The following PCSK5 variants were observed in gnomAD, a reference collection of about 807,000 sequenced individuals.
PCSK5 encodes proprotein convertase subtilisin/kexin type 5.
Under a neutral mutation model 233.2 loss-of-function variants are expected in PCSK5, and 129 were observed. That is an observed-to-expected ratio of 0.55 (90% CI 0.48 to 0.64). PCSK5 has a LOEUF of 0.64. Ranked by LOEUF, PCSK5 falls within the 30% of genes least tolerant of loss-of-function variation. The pLI is 0.00. For missense variants in PCSK5, 2,076 were observed against 2,430.1 expected (o/e 0.85, Z 3.06); for synonymous variants, 825 against 879.2 (o/e 0.94, Z 1.09).
intron 12 of PCSK5, among the ~76,000 whole-genome samples, chr9:76,169,153 A>G (rs1292513632): frequency 2.0e-5 from 3 of 152,182 alleles, no homozygotes; most frequent in Non-Finnish European, 4.4e-5. Flanking sequence ...TAATTTGTTT[A>G]CACATTTACC....
intron 10 of PCSK5, among the ~76,000 whole-genome samples, chr9:76,154,284 T>C (rs994072736): frequency 5.3e-5 from 8 of 152,152 alleles, no homozygotes; most frequent in African/African-American, 1.7e-4. Flanking sequence ...CTCTGGAGGG[T>C]AGAAATTGAA....
chr9:75,896,708 A>G (rs954990075), intron 1 of PCSK5, among the ~76,000 whole-genome samples: 1 of 152,034 alleles, frequency 6.6e-6, no homozygotes, highest in African/African-American at 2.4e-5. Context: ...GAATACACAC[A>G]CACACACATA....
rs952146863 is a variant in PCSK5 at position 76,307,488 on chromosome 9, G to A, written c.3605-1157G>A. Among the ~76,000 whole-genome samples the A allele has an allele frequency of 2.0e-5, 3 of 152,236 alleles. 1 individual carries two copies. Among genetic ancestry groups the A allele is most frequent in the Admixed American group, 1.3e-4 (2 of 15,302 alleles). ...TCTAGTCAAGGTCTCCATATGTATT[G>A]ACTGAGTGATGTCTTGAAGCTGTTC... On this transcript the variant is annotated intron_variant, in intron 28 of 37. Coordinates refer to ENST00000674117, the MANE Select transcript of PCSK5 (RefSeq NM_001372043.1).
chr9:76,082,460 GC>G (rs1830879775), intron 7 of PCSK5, among the ~76,000 whole-genome samples: 1 of 152,170 alleles, frequency 6.6e-6, no homozygotes, highest in Non-Finnish European at 1.5e-5. Flanking sequence ...ATTCCTGGTT[GC>G]ATTGAAGAGG....
intron 24 of PCSK5, among the ~76,000 whole-genome samples, chr9:76,254,851 C>G (rs1488207772): frequency 1.3e-5 from 2 of 152,222 alleles, no homozygotes; most frequent in African/African-American, 4.8e-5. Flanking sequence ...AAGCTGCTCA[C>G]ATGCAAATGC....
At chr9:76,210,737 G>T (rs1190477600) in intron 20 of PCSK5, among the ~76,000 whole-genome samples, 1 of 152,164 alleles carries the variant, frequency 6.6e-6, no homozygotes, top group Non-Finnish European at 1.5e-5. Context: ...GAATTGGCGT[G>T]GGGGGTGGAG....
At chr9:76,197,025 C>T (rs1685287343) in intron 20 of PCSK5, among the ~76,000 whole-genome samples, 1 of 152,040 alleles carries the variant, frequency 6.6e-6, no homozygotes, top group South Asian at 2.1e-4. Context: ...AGAATTGGTC[C>T]CTGAAGCATG....
rs919016471 is a variant in PCSK5 at position 75,935,362 on chromosome 9, C to T, written c.297+2879C>T. 3.3e-5 allele frequency among the ~76,000 whole-genome samples: 5 copies of T among 152,276 alleles called. No homozygotes were observed. In the South Asian group the frequency reaches 6.2e-4, roughly 19 times the overall value. On this transcript the variant is annotated intron_variant, in intron 2 of 37. Coordinates refer to ENST00000674117, the MANE Select transcript of PCSK5 (RefSeq NM_001372043.1). ...GATTACAGGCGTGAGCCACTGAGCC[C>T]GGCCGATATTCACATGTATACGTAT...
At chr9:75,897,975 A>C (rs1350416697) in intron 1 of PCSK5, among the ~76,000 whole-genome samples, 2 of 152,212 alleles carry the variant, frequency 1.3e-5, no homozygotes, top group African/African-American at 4.8e-5. Flanking sequence ...CAAGCAGATA[A>C]GCGTACTGGG....
At chr9:76,299,764 G>A (rs1828549105) in intron 27 of PCSK5, among the ~76,000 whole-genome samples, 1 of 152,140 alleles carries the variant, frequency 6.6e-6, no homozygotes, top group African/African-American at 2.4e-5. Context: ...CACAACCTTG[G>A]TGGAAAGGTT....
chr9:76,142,944 A>G (rs1823288552), intron 10 of PCSK5, among the ~76,000 whole-genome samples: 1 of 152,126 alleles, frequency 6.6e-6, no homozygotes. Context: ...TCTCTTTTTC[A>G]TAAGATTACT....
chr9:76,029,104 G>A (rs376192041), intron 5 of PCSK5, among the ~76,000 whole-genome samples: 27 of 152,286 alleles, frequency 1.8e-4, no homozygotes, highest in East Asian at 7.7e-4. Context: ...ACCCTAAGGT[G>A]AGAGGAGCTG....
chr9:76,199,797 C>A (rs1038902158), intron 20 of PCSK5, among the ~76,000 whole-genome samples: 1 of 152,072 alleles, frequency 6.6e-6, no homozygotes, highest in Admixed American at 6.6e-5. Flanking sequence ...GATTCCTGAT[C>A]TCTTCCCTCA....
chr9:75,913,343 A>G (rs369410573), intron 1 of PCSK5, among the ~76,000 whole-genome samples: 1 of 152,220 alleles, frequency 6.6e-6, no homozygotes, highest in African/African-American at 2.4e-5. Flanking sequence ...ATTTTGCTTA[A>G]TTACAGTCAT....
chr9:76,180,894 GTTT>G (rs33951103), intron 15 of PCSK5, among the ~76,000 whole-genome samples: 22 of 143,326 alleles, frequency 1.5e-4, no homozygotes, highest in African/African-American at 5.6e-4. Context: ...AAACAAGGAA[GTTT>G]TTTTTTTTTT....
chr9:76,086,967 A>G (rs148535568), intron 7 of PCSK5, among the ~76,000 whole-genome samples: 6 of 152,360 alleles, frequency 3.9e-5, no homozygotes, highest in Non-Finnish European at 7.4e-5. Context: ...GTATGAAAGC[A>G]TATTTATTTC....
At chr9:76,078,146 T>C (rs1402074608) in intron 7 of PCSK5, among the ~76,000 whole-genome samples, 1 of 152,222 alleles carries the variant, frequency 6.6e-6, no homozygotes, top group Non-Finnish European at 1.5e-5. Flanking sequence ...GTTTTTTGAT[T>C]GTTGAATTGT....
intron 7 of PCSK5, among the ~76,000 whole-genome samples, chr9:76,077,947 G>A (rs976228779): frequency 2.1e-4 from 32 of 152,150 alleles, no homozygotes; most frequent in African/African-American, 7.5e-4. Flanking sequence ...TAGGTTGAAC[G>A]GTAGCTCTGT....
intron 24 of PCSK5, chr9:76,287,458 C>CT (rs1036519380): frequency 7.6e-5 from 12 of 157,544 alleles, no homozygotes; most frequent in South Asian, 2.0e-4. Flanking sequence ...GGCATGTCAT[C>CT]TTTTTTTTGT....
Sources: allele counts gnomAD v4.1 joint callset (sites outside exome capture counted in the v4.1 genomes callset), GRCh38; gene constraint gnomAD v4.1.1; transcripts MANE v1.5; gene names NCBI Gene and HGNC (gene_info 2026-07-23, HGNC 2026-07-21).